Variants in NIPBL observed in about 807,000 individuals in gnomAD.
NIPBL encodes nipped-B-like protein.
Under a neutral mutation model 321.8 loss-of-function variants are expected in NIPBL, and 19 were observed. The observed-to-expected ratio is 0.06, with a 90% CI of 0.04 to 0.09. The LOEUF is 0.09. NIPBL is among the 10% of genes least tolerant of loss of function. The probability of loss-of-function intolerance (pLI) is 1.00; values close to 1 mark genes in which losing one functional copy is unlikely to be tolerated. For missense variants in NIPBL, 2,210 were observed against 3,327.0 expected (o/e 0.66, Z 8.26); for synonymous variants, 1,106 against 1,114.1 (o/e 0.99, Z 0.14).
At chr5:36,931,900 C>A (rs1452478184) in intron 1 of NIPBL, among the ~76,000 whole-genome samples, 1 of 149,810 alleles carries the variant, frequency 6.7e-6, no homozygotes, top group African/African-American at 2.5e-5. Context: ...AATACTGATT[C>A]GAGGCTGTTC....
intron 10 of NIPBL, among the ~76,000 whole-genome samples, chr5:36,992,789 C>T (rs1045245712): frequency 6.6e-6 from 1 of 151,466 alleles, no homozygotes; most frequent in Non-Finnish European, 1.5e-5. Flanking sequence ...GTTGCCCAGG[C>T]TGGAGTGCAG....
intron 34 of NIPBL, among the ~76,000 whole-genome samples, chr5:37,042,069 C>CT (rs534297907): frequency 1.2e-4 from 18 of 151,932 alleles, no homozygotes; most frequent in Admixed American, 4.6e-4. Flanking sequence ...GTGGGAATTT[C>CT]TTTTTTTTGT....
At chr5:37,013,301 C>A (rs1227917119) in intron 21 of NIPBL, among the ~76,000 whole-genome samples, 4 of 146,956 alleles carry the variant, frequency 2.7e-5, no homozygotes, top group African/African-American at 5.0e-5. Flanking sequence ...GGGGGGCTGA[C>A]CCCCCCACCT....
intron 10 of NIPBL, among the ~76,000 whole-genome samples, chr5:36,990,042 G>C (rs938651915): frequency 1.3e-5 from 2 of 151,186 alleles, no homozygotes; most frequent in Admixed American, 6.6e-5. Flanking sequence ...TTTCCAACTA[G>C]TATATCATTC....
intron 16 of NIPBL, among the ~76,000 whole-genome samples, chr5:37,005,406 G>C (rs2149675586): frequency 6.6e-6 from 1 of 152,250 alleles, no homozygotes; most frequent in South Asian, 2.1e-4. Context: ...GTTCTGGAGA[G>C]CTGGCTGACT....
intron 1 of NIPBL, among the ~76,000 whole-genome samples, chr5:36,935,830 A>C (rs989887202): frequency 2.0e-5 from 3 of 152,052 alleles, no homozygotes; most frequent in African/African-American, 7.2e-5. Context: ...TAGTGGCTCC[A>C]GGGATTCCTT....
At chr5:36,965,108 A>C (rs1742058293) in intron 6 of NIPBL, among the ~76,000 whole-genome samples, 1 of 152,310 alleles carries the variant, frequency 6.6e-6, no homozygotes, top group African/African-American at 2.4e-5. Flanking sequence ...CCTTTATGGA[A>C]CACTGTATGG....
Position 37,018,773 on chromosome 5 carries a change from C to G in NIPBL, c.4921-538C>G, listed in dbSNP as rs115453316. Among the ~76,000 whole-genome samples the G allele has an allele frequency of 3.2e-3, 492 of 152,258 alleles. 1 individual carries two copies. The highest frequency in any genetic ancestry group is 6.8e-3 in the Middle Eastern group (2 of 294). On this transcript the variant is annotated intron_variant, in intron 24 of 46. Transcript: ENST00000282516. The stretch of plus-strand genomic sequence containing the variant: ...TGAAGATTTAACACATTTTTCTGAT[C>G]ATTTTTATGTCAACTACCTATGAGC...
chr5:36,894,472 T>C (rs1029540340), intron 1 of NIPBL, among the ~76,000 whole-genome samples: 4 of 152,138 alleles, frequency 2.6e-5, no homozygotes, highest in African/African-American at 9.7e-5. Flanking sequence ...TAAAAATACA[T>C]ATATACATAT....
chr5:36,986,684 C>G (rs1744845010), intron 10 of NIPBL, among the ~76,000 whole-genome samples: 1 of 152,088 alleles, frequency 6.6e-6, no homozygotes, highest in South Asian at 2.1e-4. Flanking sequence ...TTCTTACAGA[C>G]CTGTGTCTGA....
chr5:37,052,824 G>A (rs1280897984), intron 42 of NIPBL, among the ~76,000 whole-genome samples: 1 of 152,154 alleles, frequency 6.6e-6, no homozygotes. Context: ...AACAGTTTCT[G>A]TAAGCGTATC....
At chr5:36,937,914 G>A (rs1738623777) in intron 1 of NIPBL, among the ~76,000 whole-genome samples, 1 of 152,034 alleles carries the variant, frequency 6.6e-6, no homozygotes, top group Non-Finnish European at 1.5e-5. Context: ...TCATATGTAT[G>A]CATCAGAATT....
intron 1 of NIPBL, among the ~76,000 whole-genome samples, chr5:36,934,152 A>G (rs149157774): frequency 3.3e-5 from 5 of 152,236 alleles, no homozygotes; most frequent in Non-Finnish European, 5.9e-5. Flanking sequence ...ATTGTGTAAG[A>G]CGTTGTGTTT....
chr5:36,965,068 T>C (rs1395492653), intron 6 of NIPBL, among the ~76,000 whole-genome samples: 1 of 152,176 alleles, frequency 6.6e-6, no homozygotes, highest in Non-Finnish European at 1.5e-5. Flanking sequence ...AATCCTCATA[T>C]ACTGTTGGTG....
At chr5:37,020,730 G>C (rs1749527838) in intron 26 of NIPBL, 45 bp from the exon 27 acceptor site, 1 of 1,604,960 alleles carries the variant, frequency 6.2e-7, no homozygotes. Context: ...ATTTCCCTAA[G>C]TTACAAAAAA....
intron 32 of NIPBL, among the ~76,000 whole-genome samples, chr5:37,034,868 G>A (rs923503126): frequency 2.0e-5 from 3 of 152,162 alleles, no homozygotes; most frequent in East Asian, 3.9e-4. Flanking sequence ...GGGCATATAC[G>A]AGTGGCAACA....
chr5:36,905,929 A>G (rs1436495896), intron 1 of NIPBL, among the ~76,000 whole-genome samples: 1 of 152,040 alleles, frequency 6.6e-6, no homozygotes, highest in Admixed American at 6.6e-5. Flanking sequence ...TATTTTTAGT[A>G]GAGATGGGGT....
At position 37,010,293 on chromosome 5, in the gene NIPBL, T is replaced by C. The variant is rs1747958123; in HGVS notation, c.4560+68T>C. On this transcript the variant is annotated intron_variant, in intron 21 of 46. Transcript: ENST00000282516. The stretch of plus-strand genomic sequence containing the variant: ...AGGAAATACCTATATTCTCTGTCAT[T>C]CTTATAAAACTGAAGTTCTTTTTTT... 14 of 1,300,610 alleles carry C rather than the reference T, an allele frequency of 1.1e-5. No individual in the cohort carries two copies. In the East Asian group the frequency reaches 3.3e-4, roughly 30 times the overall value. 80.6% of individuals were successfully genotyped at this position (1,300,610 alleles called of 1,614,324 possible).
chr5:37,033,718 ATATATATATATAT>A (rs1751355452), intron 32 of NIPBL, among the ~76,000 whole-genome samples: 1 of 82,672 alleles, frequency 1.2e-5, no homozygotes. Context: ...ATATATATAT[ATATATATATATAT>A]TTTTTTTTTT....
Sources: gnomAD v4.1 joint callset for allele counts (sites outside exome capture counted in the v4.1 genomes callset) on GRCh38, gnomAD v4.1.1 for gene constraint, MANE v1.5 for transcripts, NCBI Gene and HGNC (gene_info 2026-07-23, HGNC 2026-07-21) for gene names.